CACNA2D1: variants seen among roughly 807,000 people sequenced by gnomAD.
CACNA2D1 encodes the protein voltage-dependent calcium channel subunit alpha-2/delta-1.
A neutral mutation model predicts 171.5 loss-of-function variants in CACNA2D1; 53 were observed. The ratio of observed to expected loss-of-function variants is 0.31; its 90% CI spans 0.25 to 0.39. The LOEUF is 0.39. Among genes scored for constraint, CACNA2D1 ranks in the 10% least tolerant of loss-of-function variants. The pLI, the probability that CACNA2D1 is intolerant of heterozygous loss-of-function variation, is 1.00. For missense variants in CACNA2D1, 903 were observed against 1,299.8 expected (o/e 0.69, Z 4.69); for synonymous variants, 442 against 443.1 (o/e 1.00, Z 0.03).
At chr7:82,049,003 AAGTGCCAAAAACTT>A (rs1804872229) in intron 10 of CACNA2D1, among the ~76,000 whole-genome samples, 2 of 151,910 alleles carry the variant, frequency 1.3e-5, no homozygotes, top group African/African-American at 4.8e-5. Flanking sequence ...ACGAATTTCT[AAGTGCCAAAAACTT>A]AGTGTACCAT....
intron 12 of CACNA2D1, among the ~76,000 whole-genome samples, chr7:82,018,238 A>G (rs1354558094): frequency 3.3e-5 from 5 of 152,200 alleles, no homozygotes; most frequent in African/African-American, 1.2e-4. Context: ...TTGGGCTTTA[A>G]AAGTTCCAAG....
intron 21 of CACNA2D1, among the ~76,000 whole-genome samples, chr7:81,990,237 GAGA>G (rs1797405189): frequency 1.3e-5 from 2 of 152,134 alleles, no homozygotes; most frequent in Admixed American, 6.5e-5. Context: ...CAGAAATTGG[GAGA>G]AGTATTTAGA....
intron 18 of CACNA2D1, among the ~76,000 whole-genome samples, chr7:81,998,998 A>T (rs1798323026): frequency 6.6e-6 from 1 of 152,078 alleles, no homozygotes; most frequent in Admixed American, 6.6e-5. Context: ...CAGCATTAAA[A>T]TTTTAACAAA....
chr7:82,005,120 T>G (rs1202955457), intron 18 of CACNA2D1, among the ~76,000 whole-genome samples: 2 of 152,112 alleles, frequency 1.3e-5, no homozygotes, highest in Non-Finnish European at 2.9e-5. Context: ...CAATATCCTT[T>G]TTATCTTACA....
intron 3 of CACNA2D1, among the ~76,000 whole-genome samples, chr7:82,251,255 C>T (rs1008800223): frequency 6.6e-6 from 1 of 152,078 alleles, no homozygotes; most frequent in Non-Finnish European, 1.5e-5. Context: ...CAATTCACTA[C>T]CACCTAAAAT....
intron 7 of CACNA2D1, among the ~76,000 whole-genome samples, chr7:82,083,128 T>C (rs1810004663): frequency 6.6e-6 from 1 of 151,966 alleles, no homozygotes; most frequent in Admixed American, 6.6e-5. Flanking sequence ...CTGCTCATTA[T>C]CATCCTAATT....
chr7:82,228,255 C>T (rs1431551168), intron 3 of CACNA2D1, among the ~76,000 whole-genome samples: 1 of 152,110 alleles, frequency 6.6e-6, no homozygotes, highest in African/African-American at 2.4e-5. Context: ...ATGAGTTTTA[C>T]AGCTGCCAAA....
At chr7:82,082,750 G>A (rs1228070864) in intron 7 of CACNA2D1, among the ~76,000 whole-genome samples, 1 of 151,272 alleles carries the variant, frequency 6.6e-6, no homozygotes, top group Admixed American at 6.6e-5. Context: ...CCTCTATCAA[G>A]ACCACATGAA....
intron 1 of CACNA2D1, among the ~76,000 whole-genome samples, chr7:82,423,880 G>A (rs546175698): frequency 2.0e-5 from 3 of 152,272 alleles, no homozygotes; most frequent in South Asian, 4.1e-4. Flanking sequence ...CACAAGAAAA[G>A]TGCACAAACT....
Position 82,374,441 on chromosome 7 carries a change from A to C in CACNA2D1, c.96-24792T>G, listed in dbSNP as rs148286072. Among the ~76,000 whole-genome samples the C allele has an allele frequency of 4.3e-4, 65 of 152,306 alleles. 1 individual carries two copies. The East Asian group carries it at 0.011, about 26-fold the overall frequency. ...CTGAGAATTCCCCAGAGAAATGTACAAATGGATCAAGACATCTCACACATC... is the reference window on the plus strand; with the variant it reads ...CTGAGAATTCCCCAGAGAAATGTACCAATGGATCAAGACATCTCACACATC... On this transcript the variant is annotated intron_variant, in intron 1 of 38. Coordinates refer to ENST00000356860, the MANE Select transcript of CACNA2D1 (RefSeq NM_000722.4).
intron 4 of CACNA2D1, among the ~76,000 whole-genome samples, chr7:82,142,406 T>G (rs1435524055): frequency 1.3e-5 from 2 of 152,182 alleles, no homozygotes; most frequent in Non-Finnish European, 2.9e-5. Context: ...CTTAAAAATG[T>G]ATATTGTGAG....
intron 20 of CACNA2D1, among the ~76,000 whole-genome samples, chr7:81,992,871 T>A (rs1223918555): frequency 6.6e-6 from 1 of 152,196 alleles, no homozygotes; most frequent in Non-Finnish European, 1.5e-5. Flanking sequence ...ATTTTCTGCA[T>A]GAAATAGTAC....
intron 3 of CACNA2D1, among the ~76,000 whole-genome samples, chr7:82,248,913 C>G (rs568657198): frequency 4.6e-5 from 7 of 151,856 alleles, no homozygotes; most frequent in Non-Finnish European, 7.4e-5. Context: ...GTCAGAAGAT[C>G]GAGACCATCC....
chr7:81,961,779 A>G, intron 36 of CACNA2D1, 115 bp downstream of exon 36: 1 of 924,452 alleles, frequency 1.1e-6, no homozygotes, highest in Middle Eastern at 3.4e-4. Context: ...TGACTCCAAC[A>G]CAATTTTCAG....
At chr7:82,221,994 A>C (rs1356932009) in intron 3 of CACNA2D1, among the ~76,000 whole-genome samples, 1 of 152,086 alleles carries the variant, frequency 6.6e-6, no homozygotes. Context: ...TATAATACCA[A>C]AGGTTTTTAC....
At chr7:82,238,189 C>T (rs1283718529) in intron 3 of CACNA2D1, among the ~76,000 whole-genome samples, 2 of 151,930 alleles carry the variant, frequency 1.3e-5, no homozygotes, top group Non-Finnish European at 2.9e-5. Context: ...CTAGTAGTGT[C>T]CCACCACTAC....
intron 3 of CACNA2D1, among the ~76,000 whole-genome samples, chr7:82,176,027 T>C (rs1166052058): frequency 6.6e-6 from 1 of 151,964 alleles, no homozygotes. Flanking sequence ...CAAAAGCATA[T>C]GCAATTCAGG....
intron 5 of CACNA2D1, among the ~76,000 whole-genome samples, chr7:82,127,317 T>G (rs541094023): frequency 6.6e-6 from 1 of 152,320 alleles, no homozygotes; most frequent in African/African-American, 2.4e-5. Flanking sequence ...AAAAGCTAGC[T>G]TTATTATTTC....
At chr7:81,962,172 C>T (rs1794211137) in intron 35 of CACNA2D1, 149 bp from the exon 36 acceptor site, 5 of 702,162 alleles carry the variant, frequency 7.1e-6, no homozygotes, top group Admixed American at 2.8e-5. Context: ...TGTGTAATAT[C>T]GTGGCAGCCC....
Sources: gnomAD v4.1 joint callset for allele counts (sites outside exome capture counted in the v4.1 genomes callset) on GRCh38, gnomAD v4.1.1 for gene constraint, MANE v1.5 for transcripts, NCBI Gene and HGNC (gene_info 2026-07-23, HGNC 2026-07-21) for gene names.